The following FMNL2 variants were observed in gnomAD, a reference collection of about 807,000 sequenced individuals.
The protein encoded by FMNL2 is formin like 2, also known as formin-like protein 2.
Under a neutral mutation model 130.2 loss-of-function variants are expected in FMNL2, and 51 were observed. The ratio of observed to expected loss-of-function variants is 0.39; its 90% CI spans 0.31 to 0.49. FMNL2 has a LOEUF of 0.49. Ranked by LOEUF, FMNL2 falls within the 20% of genes least tolerant of loss-of-function variation. The pLI is 0.85. For synonymous variants in FMNL2, 465 were observed against 467.1 expected (o/e 1.00, Z 0.06); for missense variants, 977 against 1,316.2 (o/e 0.74, Z 3.99).
At chr2:152,409,799 T>C (rs1037017735) in intron 1 of FMNL2, among the ~76,000 whole-genome samples, 7 of 152,184 alleles carry the variant, frequency 4.6e-5, no homozygotes, top group African/African-American at 1.7e-4. Flanking sequence ...CTGGGAGTAG[T>C]AGATAATTTT....
At chr2:152,495,169 G>A (rs1470902624) in intron 1 of FMNL2, among the ~76,000 whole-genome samples, 1 of 152,036 alleles carries the variant, frequency 6.6e-6, no homozygotes, top group Non-Finnish European at 1.5e-5. Flanking sequence ...GGTCTTTTAG[G>A]AAAAAAATTT....
intron 1 of FMNL2, among the ~76,000 whole-genome samples, chr2:152,506,470 A>G (rs2105343638): frequency 6.6e-6 from 1 of 152,348 alleles, no homozygotes; most frequent in South Asian, 2.1e-4. Context: ...TAGTTGTTAT[A>G]CTATATTGTT....
At chr2:152,620,307 A>G (rs1290311112) in intron 15 of FMNL2, among the ~76,000 whole-genome samples, 1 of 152,136 alleles carries the variant, frequency 6.6e-6, no homozygotes, top group Non-Finnish European at 1.5e-5. Flanking sequence ...ATGCTGCCAA[A>G]TAATTCATGT....
At chr2:152,581,776 A>G (rs368151231) in intron 9 of FMNL2, among the ~76,000 whole-genome samples, 13 of 152,328 alleles carry the variant, frequency 8.5e-5, no homozygotes, top group African/African-American at 2.9e-4. Flanking sequence ...CTTTGAGGTG[A>G]GAAATTACAA....
At chr2:152,532,143 A>G (rs1441051971) in intron 2 of FMNL2, among the ~76,000 whole-genome samples, 1 of 152,204 alleles carries the variant, frequency 6.6e-6, no homozygotes, top group Non-Finnish European at 1.5e-5. Flanking sequence ...ATTTCCTGCA[A>G]AAGTATTAAT....
At chr2:152,423,112 G>C (rs940381049) in intron 1 of FMNL2, among the ~76,000 whole-genome samples, 19 of 152,140 alleles carry the variant, frequency 1.2e-4, no homozygotes, top group Admixed American at 7.8e-4. Flanking sequence ...GTACAGGCAT[G>C]GAATGTGTAA....
intron 1 of FMNL2, among the ~76,000 whole-genome samples, chr2:152,473,759 G>C (rs1689981719): frequency 6.6e-6 from 1 of 152,182 alleles, no homozygotes; most frequent in Admixed American, 6.5e-5. Flanking sequence ...ATACCCTTCT[G>C]TTAGGACAGT....
chr2:152,451,398 T>G (rs1688642520), intron 1 of FMNL2, among the ~76,000 whole-genome samples: 1 of 152,094 alleles, frequency 6.6e-6, no homozygotes, highest in Admixed American at 6.6e-5. Flanking sequence ...TCTGCCCACC[T>G]CGGCCTCCCA....
chr2:152,432,457 A>T (rs762406597), intron 1 of FMNL2, among the ~76,000 whole-genome samples: 1 of 152,182 alleles, frequency 6.6e-6, no homozygotes, highest in African/African-American at 2.4e-5. Flanking sequence ...ACACACATGC[A>T]TGCACACACA....
chr2:152,495,315 C>T (rs12617686), intron 1 of FMNL2, among the ~76,000 whole-genome samples: 50,614 of 151,726 alleles, frequency 0.33, 8,743 homozygotes, highest in East Asian at 0.57. Flanking sequence ...TCCTATTCTA[C>T]GTAGATCATA....
intron 20 of FMNL2, among the ~76,000 whole-genome samples, chr2:152,631,621 T>C (rs1288077947): frequency 6.6e-6 from 1 of 152,100 alleles, no homozygotes; most frequent in African/African-American, 2.4e-5. Flanking sequence ...GGTGCGCAAT[T>C]CAAATCTGAT....
intron 1 of FMNL2, among the ~76,000 whole-genome samples, chr2:152,443,948 A>G (rs554272584): frequency 6.6e-6 from 1 of 152,196 alleles, no homozygotes; most frequent in Non-Finnish European, 1.5e-5. Flanking sequence ...AGTTCACAAC[A>G]TGGAAGTCCG....
At chr2:152,616,304 T>C (rs2105884646) in intron 12 of FMNL2, among the ~76,000 whole-genome samples, 1 of 151,152 alleles carries the variant, frequency 6.6e-6, no homozygotes, top group South Asian at 2.1e-4. Context: ...AAATAACTTT[T>C]ATTATTATTA....
intron 1 of FMNL2, among the ~76,000 whole-genome samples, chr2:152,348,883 G>A (rs1185011599): frequency 7.5e-6 from 1 of 133,688 alleles, no homozygotes; most frequent in Non-Finnish European, 1.5e-5. Flanking sequence ...GCCGGACTGT[G>A]GACTGCAGTG....
chr2:152,595,171 A>T lies in FMNL2; in HGVS notation c.877-12168A>T, dbSNP rs116814254. Among the ~76,000 whole-genome samples, 767 of 152,294 alleles carry T rather than the reference A, an allele frequency of 5.0e-3. 5 individuals are homozygous for T. Among genetic ancestry groups the T allele is most frequent in the African/African-American group, 0.017 (721 of 41,562 alleles). On this transcript the variant is annotated intron_variant, in intron 9 of 25. Transcript: ENST00000288670. Reference sequence around the variant, plus strand: ...CACCAAGAACAACACTGAATTTTTCATTTCATTTTCAACTATTTTCCAGGA... The same window carrying T: ...CACCAAGAACAACACTGAATTTTTCTTTTCATTTTCAACTATTTTCCAGGA...
intron 13 of FMNL2, among the ~76,000 whole-genome samples, chr2:152,617,940 A>G (rs1408548363): frequency 6.6e-6 from 1 of 152,202 alleles, no homozygotes; most frequent in Non-Finnish European, 1.5e-5. Flanking sequence ...AGTCCAGGAA[A>G]TATATTTTCT....
At position 152,646,167 on chromosome 2, in the gene FMNL2, A is replaced by AC. The variant is rs1553495120; in HGVS notation, c.3170-1629_3170-1628insC. Among the ~76,000 whole-genome samples, 911 of 150,240 alleles carry AC rather than the reference A, an allele frequency of 6.1e-3. 11 individuals carry two copies. The highest frequency in any genetic ancestry group is 0.019 in the African/African-American group (782 of 41,204). ...AAATCCCCATCTCTACAAAAAAAAA[A>AC]AAACAAACAAACAAAGTTAGCCAGG... is the stretch of plus-strand genomic sequence containing the variant. On this transcript the variant is annotated intron_variant, in intron 25 of 25. Coordinates refer to ENST00000288670, the MANE Select transcript of FMNL2 (RefSeq NM_052905.4).
chr2:152,451,680 C>T (rs1688658116), intron 1 of FMNL2, among the ~76,000 whole-genome samples: 1 of 152,082 alleles, frequency 6.6e-6, no homozygotes, highest in Non-Finnish European at 1.5e-5. Flanking sequence ...TGGAGGTCAG[C>T]CCGCTTGCTC....
chr2:152,475,122 T>C (rs1690077821), intron 1 of FMNL2, among the ~76,000 whole-genome samples: 1 of 152,206 alleles, frequency 6.6e-6, no homozygotes, highest in Non-Finnish European at 1.5e-5. Flanking sequence ...AAGTGAAGTA[T>C]GTGTAAAACC....
Sources: gnomAD v4.1 joint callset for allele counts (sites outside exome capture counted in the v4.1 genomes callset) on GRCh38, gnomAD v4.1.1 for gene constraint, MANE v1.5 for transcripts, NCBI Gene and HGNC (gene_info 2026-07-23, HGNC 2026-07-21) for gene names.